Variants in CYP2C19 observed in about 807,000 individuals in gnomAD.
CYP2C19 encodes cytochrome P450 family 2 subfamily C member 19.
CYP2C19 carries 59 observed loss-of-function variants against 40.9 expected under a neutral mutation model. The observed-to-expected ratio is 1.44, with a 90% CI of 1.17 to 1.79. CYP2C19 has a LOEUF of 1.79. CYP2C19 is among the 40% of genes most tolerant of loss of function. The probability of loss-of-function intolerance (pLI) is 0.00; values close to 1 mark genes in which losing one functional copy is unlikely to be tolerated. For missense variants in CYP2C19, 754 were observed against 596.9 expected (o/e 1.26, Z -2.74); for synonymous variants, 253 against 208.7 (o/e 1.21, Z -1.83).
intron 5 of CYP2C19, among the ~76,000 whole-genome samples, chr10:94,790,945 C>G (rs962960437): frequency 3.9e-5 from 6 of 152,150 alleles, no homozygotes; most frequent in African/African-American, 1.4e-4. Flanking sequence ...AGGAATGGCA[C>G]CAGTTCCTCT....
intron 5 of CYP2C19, among the ~76,000 whole-genome samples, chr10:94,801,421 C>T (rs1249834290): frequency 6.6e-6 from 1 of 152,156 alleles, no homozygotes. Flanking sequence ...GTCTCTTAAT[C>T]CTGAGTTCTA....
At chr10:94,824,184 G>T (rs574005748) in intron 6 of CYP2C19, among the ~76,000 whole-genome samples, 1 of 152,264 alleles carries the variant, frequency 6.6e-6, no homozygotes, top group East Asian at 1.9e-4. Context: ...TAGTCAGAAT[G>T]ATATAAGCAA....
chr10:94,772,418 G>A (rs541498759), intron 1 of CYP2C19, among the ~76,000 whole-genome samples: 40 of 152,120 alleles, frequency 2.6e-4, no homozygotes, highest in Non-Finnish European at 4.0e-4. Context: ...CCAGAGACAG[G>A]CAGTGGTTTT....
chr10:94,849,887 G>T (rs778189622), intron 7 of CYP2C19, 30 bp from the exon 8 acceptor site: 14 of 1,612,876 alleles, frequency 8.7e-6, no homozygotes, highest in Non-Finnish European at 1.1e-5. Flanking sequence ...CTTCTTTACA[G>T]CTCAGTTCAC....
At chr10:94,771,043 A>G (rs1848322513) in intron 1 of CYP2C19, among the ~76,000 whole-genome samples, 1 of 152,164 alleles carries the variant, frequency 6.6e-6, no homozygotes, top group African/African-American at 2.4e-5. Context: ...TCTCCAAGTG[A>G]GATCGAAGGT....
chr10:94,799,782 C>T (rs901470443), intron 5 of CYP2C19, among the ~76,000 whole-genome samples: 5 of 152,090 alleles, frequency 3.3e-5, no homozygotes, highest in African/African-American at 1.2e-4. Flanking sequence ...ACCCTTTCTT[C>T]CACTTGGTTT....
rs561464260 is a variant in CYP2C19 at position 94,784,108 on chromosome 10, C to A, written c.819+2111C>A. 3.1e-3 allele frequency among the ~76,000 whole-genome samples: 473 copies of A among 152,234 alleles called. 3 individuals carry two copies. The highest frequency in any genetic ancestry group is 0.011 in the African/African-American group (450 of 41,564). The stretch of plus-strand genomic sequence containing the variant: ...TAATAACCTCTAATCTTTTTTCTGT[C>A]TCTATGGGTTTGCGTGTTATGGATA... On this transcript the variant is annotated intron_variant, in intron 5 of 8. Coordinates refer to ENST00000371321, the MANE Select transcript of CYP2C19 (RefSeq NM_000769.4).
intron 1 of CYP2C19, among the ~76,000 whole-genome samples, chr10:94,771,489 T>G (rs767376377): frequency 6.6e-6 from 1 of 152,120 alleles, no homozygotes; most frequent in Non-Finnish European, 1.5e-5. Context: ...CATTGTAATT[T>G]ATACTTCCCT....
Position 94,820,986 on chromosome 10 carries a change from G to A in CYP2C19, c.961+349G>A, listed in dbSNP as rs17879150. On this transcript the variant is annotated intron_variant, in intron 6 of 8. Coordinates refer to ENST00000371321, the MANE Select transcript of CYP2C19 (RefSeq NM_000769.4). ...GTAATCCCAGCTACTTGGGGGCTGA[G>A]GCATGGGAATCGCTTGAACCCGGGT... 4.3e-4 allele frequency among the ~76,000 whole-genome samples: 66 copies of A among 152,294 alleles called. 1 individual carries two copies. In the South Asian group the frequency reaches 0.012, roughly 28 times the overall value.
chr10:94,841,221 G>A (rs547868833), intron 6 of CYP2C19, among the ~76,000 whole-genome samples: 13 of 152,170 alleles, frequency 8.5e-5, no homozygotes, highest in Admixed American at 2.6e-4. Context: ...CGTGGAACCC[G>A]GCAACTAGTG....
At chr10:94,811,585 T>C (rs1297413740) in intron 5 of CYP2C19, among the ~76,000 whole-genome samples, 1 of 152,166 alleles carries the variant, frequency 6.6e-6, no homozygotes. Context: ...TGTGTATCTA[T>C]TTAGGATAGT....
intron 5 of CYP2C19, among the ~76,000 whole-genome samples, chr10:94,812,662 A>C (rs1396242740): frequency 6.6e-6 from 1 of 151,918 alleles, no homozygotes; most frequent in Admixed American, 6.6e-5. Flanking sequence ...CTGCTTTATC[A>C]ATTTGGCTAT....
At chr10:94,843,439 C>A (rs184159133) in intron 7 of CYP2C19, among the ~76,000 whole-genome samples, 4 of 152,122 alleles carry the variant, frequency 2.6e-5, no homozygotes, top group Non-Finnish European at 1.5e-5. Context: ...AATTTATTTG[C>A]ACTTTCTTTA....
intron 6 of CYP2C19, among the ~76,000 whole-genome samples, chr10:94,834,556 C>CTT (rs75883570): frequency 2.0e-4 from 28 of 141,368 alleles, no homozygotes; most frequent in African/African-American, 4.6e-4. Context: ...TTTCTTTTTT[C>CTT]TTTTTTTTTT....
chr10:94,768,863 G>A (rs1445387299), intron 1 of CYP2C19, among the ~76,000 whole-genome samples: 1 of 151,990 alleles, frequency 6.6e-6, no homozygotes, highest in Non-Finnish European at 1.5e-5. Flanking sequence ...CTTGTACTAG[G>A]GCCTGCTTTA....
intron 6 of CYP2C19, among the ~76,000 whole-genome samples, chr10:94,824,645 G>A (rs1314984128): frequency 6.6e-6 from 1 of 151,914 alleles, no homozygotes; most frequent in African/African-American, 2.4e-5. Context: ...CTTACTTTAT[G>A]TTTTCAAACA....
intron 5 of CYP2C19, among the ~76,000 whole-genome samples, chr10:94,800,719 G>A (rs1246836883): frequency 1.3e-5 from 2 of 152,156 alleles, no homozygotes; most frequent in Non-Finnish European, 2.9e-5. Context: ...TCAAGCCTTA[G>A]CAATGGTGGA....
At chr10:94,781,153 C>G (rs1429609048) in intron 4 of CYP2C19, among the ~76,000 whole-genome samples, 1 of 152,130 alleles carries the variant, frequency 6.6e-6, no homozygotes, top group Non-Finnish European at 1.5e-5. Flanking sequence ...TTTGATGTCT[C>G]AGTTGGGATT....
rs1418923087 is a variant in CYP2C19, at chr10:94,854,885, A to G, written c.*1971A>G. On this transcript the variant is annotated 3_prime_UTR_variant, in exon 9 of 9. Transcript: ENST00000371321. ...AAATGGGTATTACATTAATGGAAAG[A>G]TACAGATGGAAATTACACATTATAC... 3.9e-5 allele frequency among the ~76,000 whole-genome samples: 6 copies of G among 152,196 alleles called. No homozygotes were observed. The highest frequency in any genetic ancestry group is 8.8e-5 in the Non-Finnish European group (6 of 68,030).
Sources: gnomAD v4.1 joint callset for allele counts (sites outside exome capture counted in the v4.1 genomes callset) on GRCh38, gnomAD v4.1.1 for gene constraint, MANE v1.5 for transcripts, NCBI Gene and HGNC (gene_info 2026-07-23, HGNC 2026-07-21) for gene names.